Variants in CLDND1 observed in about 807,000 individuals in gnomAD.
The protein encoded by CLDND1 is claudin domain containing 1, also known as claudin domain-containing protein 1.
Under a neutral mutation model 26.3 loss-of-function variants are expected in CLDND1, and 13 were observed. The ratio of observed to expected loss-of-function variants is 0.49; its 90% CI spans 0.32 to 0.78. The LOEUF is 0.78. CLDND1 is among the 30% of genes least tolerant of loss of function. The pLI is 0.03. For missense variants in CLDND1, 289 were observed against 312.8 expected, an observed-to-expected ratio of 0.92 and a Z score of 0.57; for synonymous variants, 107 against 107.0, an observed-to-expected ratio of 1.00 and a Z score of 0.00.
intron 2 of CLDND1, among the ~76,000 whole-genome samples, chr3:98,520,161 T>C (rs1706346181): frequency 6.6e-6 from 1 of 152,212 alleles, no homozygotes; most frequent in Non-Finnish European, 1.5e-5. Context: ...TAAGAGGCCC[T>C]GGAACATGGA....
rs1214690959 is a variant in CLDND1 at position 98,516,697 on chromosome 3, T to C, written c.724A>G (p.Lys242Glu). Residue 242 changes from lysine to glutamate, a missense_variant, in exon 5 of 5, where the codon AAA becomes GAA. Coordinates refer to ENST00000341181, the MANE Select transcript of CLDND1 (RefSeq NM_001040181.2). ...TATGCCTTCATTAAGGTGTACTCTT[T>C]CCGGTTGGTGTGAGCAGCCCAGATG... ...LFIWAAHTNR[K>E]EYTLMKAYRV... The C allele has an allele frequency of 6.2e-7, 1 of 1,614,062 alleles. No homozygotes were observed. Among genetic ancestry groups the C allele is most frequent in the East Asian group, 2.2e-5 (1 of 44,898 alleles).
At position 98,519,029 on chromosome 3, in the gene CLDND1, A is replaced by G. The variant is rs762601511; in HGVS notation, c.293-34T>C. ...AGAACAATTGCCTGTTGTTTTAATT[A>G]TAAACATTTAACAAAAATCTCTTTC... On this transcript the variant is annotated intron_variant, in intron 2 of 4. Transcript: ENST00000341181. The G allele has an allele frequency of 1.4e-5, 17 of 1,216,560 alleles. No homozygotes were observed. In the South Asian group the frequency reaches 2.0e-4, roughly 15 times the overall value. The allele number at this position is 1,216,560 out of a possible 1,614,324, so 75.4% of individuals were successfully genotyped here.
In CLDND1 at chr3:98,516,006, G is replaced by A. The variant is rs898792594; in HGVS notation, c.*653C>T. ...TTAAAAATAATACTAATCCTCGCCC[G>A]GCTGAACTGGAATTCTTGCAGTTAC... On this transcript the variant is annotated 3_prime_UTR_variant, in exon 5 of 5. Coordinates refer to ENST00000341181, the MANE Select transcript of CLDND1 (RefSeq NM_001040181.2). 27 of 1,161,978 alleles carry A rather than the reference G, an allele frequency of 2.3e-5. No homozygotes were observed. The Admixed American group carries it at 3.0e-4, about 13-fold the overall frequency. The allele number at this position is 1,161,978 out of a possible 1,614,324, so 72.0% of individuals were successfully genotyped here.
Position 98,515,897 on chromosome 3 carries a change from G to GCA in CLDND1, c.*760_*761dup. The GCA allele has an allele frequency of 7.8e-7, 1 of 1,274,688 alleles. No individual in the cohort carries two copies. The highest frequency in any genetic ancestry group is 1.0e-6 in the Non-Finnish European group (1 of 980,312). 79.0% of individuals were successfully genotyped at this position (1,274,688 alleles called of 1,614,324 possible). A position where few individuals can be genotyped will look rare whatever the true frequency, so the allele number is the denominator to read the frequency against. Reference sequence around the variant, plus strand: ...AACTGTAATATAATGTAAAAAGAAAGCACACTTTTAATAACCCTGGTATGT... The same window carrying GCA: ...AACTGTAATATAATGTAAAAAGAAAGCACACACTTTTAATAACCCTGGTATGT... On this transcript the variant is annotated 3_prime_UTR_variant, in exon 5 of 5. Transcript: ENST00000341181.
Position 98,516,762 on chromosome 3 carries a change from C to G in CLDND1, c.659G>C (p.Cys220Ser), listed in dbSNP as rs770677430. Residue 220 changes from cysteine (C) to serine (S), a missense_variant, in exon 5 of 5, where the codon TGT becomes TCT. Coordinates refer to ENST00000341181, the MANE Select transcript of CLDND1 (RefSeq NM_001040181.2). ...CATGAACTGTAAGGGAGCAGAGACA[C>G]AAGCCAGGCAGAAGGACCATCCAAA... ...GEFGWSFCLA[C>S]VSAPLQFMAS... 3.1e-6 allele frequency: 5 copies of G among 1,614,136 alleles called. No homozygotes were observed. In the East Asian group the frequency reaches 1.1e-4, roughly 36 times the overall value.
Position 98,522,892 on chromosome 3 carries a change from C to T in CLDND1, c.-62G>A, listed in dbSNP as rs760858906. 1.2e-6 allele frequency: 2 copies of T among 1,613,196 alleles called. No individual in the cohort carries two copies. The highest frequency in any genetic ancestry group is 1.1e-5 in the South Asian group (1 of 91,026). ...GCCAGCTTCACCCTCTAGCTCAGAC[C>T]ACAGCACCCTACTCTCCCCGCGCCT... is the stretch of plus-strand genomic sequence containing the variant. On this transcript the variant is annotated 5_prime_UTR_variant, in exon 1 of 5. Transcript: ENST00000341181.
At chr3:98,517,355 C>CT (rs1706188585) in intron 3 of CLDND1, 166 bp from the exon 4 acceptor site, 1 of 754,152 alleles carries the variant, frequency 1.3e-6, no homozygotes, top group Non-Finnish European at 2.1e-6. Context: ...GGATGCTACT[C>CT]TTGTCCTGAT....
At chr3:98,520,279 AT>A (rs1706351836) in intron 2 of CLDND1, among the ~76,000 whole-genome samples, 1 of 152,218 alleles carries the variant, frequency 6.6e-6, no homozygotes, top group Non-Finnish European at 1.5e-5. Context: ...CAAACTGAAC[AT>A]TTTACAATGA....
In CLDND1 at chr3:98,516,275, A is replaced by G. The variant is rs1706133041; in HGVS notation, c.*384T>C. On this transcript the variant is annotated 3_prime_UTR_variant, in exon 5 of 5. Transcript: ENST00000341181. Reference sequence around the variant, plus strand: ...AAGTTTTGACGATGAGAGGTTTCCCAAAGAAACTAATATAGAGTTTTTAGT... The same window carrying G: ...AAGTTTTGACGATGAGAGGTTTCCCGAAGAAACTAATATAGAGTTTTTAGT... The G allele has an allele frequency of 9.7e-7, 1 of 1,029,040 alleles. No homozygotes were observed. Among genetic ancestry groups the G allele is most frequent in the African/African-American group, 1.7e-5 (1 of 57,736 alleles). The allele number at this position is 1,029,040 out of a possible 1,614,324, so 63.7% of individuals were successfully genotyped here. A position where few individuals can be genotyped will look rare whatever the true frequency, so the allele number is the denominator to read the frequency against.
chr3:98,521,126 G>T lies in CLDND1; in HGVS notation c.292+7C>A. The T allele has an allele frequency of 6.2e-7, 1 of 1,601,972 alleles. No homozygotes were observed. Among genetic ancestry groups the T allele is most frequent in the Non-Finnish European group, 8.5e-7 (1 of 1,171,200 alleles). ...GAAGAAGACAGAAGTTAAAATAAGA[G>T]AAATACCTGTCCTTTCTGGTGGGCT... is the stretch of plus-strand genomic sequence containing the variant. On this transcript the variant is annotated splice_region_variant and intron_variant, in intron 2 of 4. Transcript: ENST00000341181.
In CLDND1 at chr3:98,521,484, G is replaced by A. The variant is rs770283868; in HGVS notation, c.-18-42C>T. 4 of 1,571,168 alleles carry A rather than the reference G, an allele frequency of 2.5e-6. No homozygotes were observed. The East Asian group carries it at 9.0e-5, about 35-fold the overall frequency. On this transcript the variant is annotated intron_variant, in intron 1 of 4. Transcript: ENST00000341181. ...GAAAGAAGATAAGTTAGAGTTTACG[G>A]ACAAATAAGAAAGATTATTTTGAAT... is the stretch of plus-strand genomic sequence containing the variant.
chr3:98,521,030 G>C, intron 2 of CLDND1, 103 bp downstream of exon 2: 1 of 971,660 alleles, frequency 1.0e-6, no homozygotes, highest in Non-Finnish European at 1.6e-6. Flanking sequence ...TTTAAGGAGA[G>C]AGAGAACCAA....
In CLDND1 at chr3:98,517,424, C is replaced by G. The variant is rs1559653522; in HGVS notation, c.404-235G>C. 6.3e-6 allele frequency: 3 copies of G among 476,318 alleles called. No individual in the cohort carries two copies. In the South Asian group the frequency reaches 8.6e-5, roughly 14 times the overall value. The allele number at this position is 476,318 out of a possible 1,614,324, so 29.5% of individuals were successfully genotyped here. A position where few individuals can be genotyped will look rare whatever the true frequency, so the allele number is the denominator to read the frequency against. On this transcript the variant is annotated intron_variant, in intron 3 of 4. Transcript: ENST00000341181. ...TACTGAGGGTTCACTATGTTCCATGCTATGTTTGTCTACACATTTTCTGTA... is the reference window on the plus strand; with the variant it reads ...TACTGAGGGTTCACTATGTTCCATGGTATGTTTGTCTACACATTTTCTGTA...
In CLDND1 at chr3:98,521,502, T is replaced by C. The variant is rs183896748; in HGVS notation, c.-18-60A>G. On this transcript the variant is annotated intron_variant, in intron 1 of 4. Coordinates refer to ENST00000341181, the MANE Select transcript of CLDND1 (RefSeq NM_001040181.2). ...GTTTACGGACAAATAAGAAAGATTA[T>C]TTTGAATTATTCCAAATGCACCCTT... 1.5e-4 allele frequency: 235 copies of C among 1,544,404 alleles called. 1 individual carries two copies. Among genetic ancestry groups the C allele is most frequent in the South Asian group, 1.5e-3 (125 of 85,634 alleles).
intron 2 of CLDND1, 24 bp downstream of exon 2, chr3:98,521,109 C>A: frequency 6.3e-7 from 1 of 1,588,720 alleles, no homozygotes; most frequent in Non-Finnish European, 8.6e-7. Context: ...GTGAAGAAGA[C>A]AGAAGTTAAA....
At chr3:98,522,744 C>G in intron 1 of CLDND1, 105 bp downstream of exon 1, 5 of 1,598,770 alleles carry the variant, frequency 3.1e-6, no homozygotes, top group Non-Finnish European at 4.3e-6. Context: ...CGCTCGGAAC[C>G]CGCCCAGCCC....
chr3:98,520,959 T>C (rs1706382026), intron 2 of CLDND1, 174 bp downstream of exon 2: 2 of 616,336 alleles, frequency 3.2e-6, no homozygotes, highest in South Asian at 4.1e-5. Flanking sequence ...ATGAGTACCA[T>C]GGTAATGCAA....
rs546339888 is a variant in CLDND1, at chr3:98,518,071, C to T, written c.403+814G>A. On this transcript the variant is annotated intron_variant, in intron 3 of 4. Coordinates refer to ENST00000341181, the MANE Select transcript of CLDND1 (RefSeq NM_001040181.2). ...CAACATGGGAAGAAAACCTGATGAC[C>T]TCACAAAACATGCCATTCCATTTTC... Among the ~76,000 whole-genome samples, 5 of 152,234 alleles carry T rather than the reference C, an allele frequency of 3.3e-5. 1 individual carries two copies. Among genetic ancestry groups the T allele is most frequent in the South Asian group, 2.1e-4 (1 of 4,824 alleles).
intron 1 of CLDND1, chr3:98,521,832 T>A: frequency 1.3e-6 from 1 of 756,744 alleles, no homozygotes; most frequent in Non-Finnish European, 2.2e-6. Flanking sequence ...TGCAGAGGAT[T>A]AAGTGTTCTG....
Sources: gnomAD v4.1 joint callset for allele counts (sites outside exome capture counted in the v4.1 genomes callset) on GRCh38, gnomAD v4.1.1 for gene constraint, MANE v1.5 for transcripts, NCBI Gene and HGNC (gene_info 2026-07-23, HGNC 2026-07-21) for gene names.